GHR: variants seen among roughly 807,000 people sequenced by gnomAD.
The protein encoded by GHR is GH receptor.
In GHR, 35 loss-of-function variants were observed where a neutral mutation model predicts 67.1. The observed-to-expected ratio is 0.52, with a 90% CI of 0.40 to 0.69. GHR has a LOEUF of 0.69. GHR is among the 30% of genes least tolerant of loss of function. The pLI, the probability that GHR is intolerant of heterozygous loss-of-function variation, is 0.00. For missense variants in GHR, 792 were observed against 764.6 expected (o/e 1.04, Z -0.42); for synonymous variants, 272 against 269.1 (o/e 1.01, Z -0.10).
intron 3 of GHR, among the ~76,000 whole-genome samples, chr5:42,641,922 T>C (rs1285124866): frequency 6.6e-6 from 1 of 152,070 alleles, no homozygotes; most frequent in East Asian, 1.9e-4. Context: ...TAGTCATTAG[T>C]TATTGACAGG....
chr5:42,695,103 T>G lies in GHR; in HGVS notation c.439+14T>G. On this transcript the variant is annotated intron_variant, in intron 5 of 9. Coordinates refer to ENST00000230882, the MANE Select transcript of GHR (RefSeq NM_000163.5). ...TTGATGAAATAGGTAAATCACAGGT[T>G]TTTGTTTCATTTGACATAGTTTTAG... is the stretch of plus-strand genomic sequence containing the variant. 6.3e-7 allele frequency: 1 copy of G among 1,576,516 alleles called. No individual in the cohort carries two copies. The highest frequency in any genetic ancestry group is 2.2e-5 in the East Asian group (1 of 44,636).
chr5:42,450,808 C>G (rs1744018211), intron 1 of GHR, among the ~76,000 whole-genome samples: 1 of 151,884 alleles, frequency 6.6e-6, no homozygotes, highest in African/African-American at 2.4e-5. Context: ...TTTGTTGTAT[C>G]CCATAGGTTT....
At chr5:42,644,781 G>A (rs1561192908) in intron 3 of GHR, among the ~76,000 whole-genome samples, 2 of 151,052 alleles carry the variant, frequency 1.3e-5, no homozygotes, top group Non-Finnish European at 3.0e-5. Context: ...GTTGAACCTT[G>A]GTGATGAACA....
intron 1 of GHR, among the ~76,000 whole-genome samples, chr5:42,544,898 G>T (rs1748671133): frequency 6.6e-6 from 1 of 152,086 alleles, no homozygotes; most frequent in African/African-American, 2.4e-5. Flanking sequence ...AATTAAATTT[G>T]ATATTCACAA....
intron 3 of GHR, among the ~76,000 whole-genome samples, chr5:42,646,086 T>A (rs1197690941): frequency 6.6e-6 from 1 of 152,200 alleles, no homozygotes; most frequent in Non-Finnish European, 1.5e-5. Context: ...TCCACAATAT[T>A]ATCTTCTATT....
chr5:42,695,210 G>C lies in GHR; in HGVS notation c.439+121G>C. 5.4e-6 allele frequency: 4 copies of C among 746,248 alleles called. No individual in the cohort carries two copies. In the Admixed American group the frequency reaches 8.0e-5, roughly 15 times the overall value. 46.2% of individuals were successfully genotyped at this position (746,248 alleles called of 1,614,324 possible). On this transcript the variant is annotated intron_variant, in intron 5 of 9. Coordinates refer to ENST00000230882, the MANE Select transcript of GHR (RefSeq NM_000163.5). Reference sequence around the variant, plus strand: ...TAACAGTGTTCTATAGATACATGGAGATCTGTTTTACAGGAGATGGGATCA... The same window carrying C: ...TAACAGTGTTCTATAGATACATGGACATCTGTTTTACAGGAGATGGGATCA...
At chr5:42,669,490 G>A in intron 3 of GHR, among the ~76,000 whole-genome samples, 1 of 152,174 alleles carries the variant, frequency 6.6e-6, no homozygotes, top group South Asian at 2.1e-4. Context: ...GAAATTTAAT[G>A]TTGGCAAAGC....
intron 1 of GHR, among the ~76,000 whole-genome samples, chr5:42,537,780 T>C (rs1190727954): frequency 6.6e-6 from 1 of 152,192 alleles, no homozygotes; most frequent in Non-Finnish European, 1.5e-5. Context: ...TATTATTGTG[T>C]TGCTGTTTCT....
intron 4 of GHR, among the ~76,000 whole-genome samples, chr5:42,691,663 T>A (rs571235448): frequency 6.6e-6 from 1 of 152,346 alleles, no homozygotes; most frequent in East Asian, 1.9e-4. Context: ...GGCCTCAGTA[T>A]CTAAAGCACA....
At chr5:42,459,716 T>C (rs1354935705) in intron 1 of GHR, among the ~76,000 whole-genome samples, 3 of 152,216 alleles carry the variant, frequency 2.0e-5, no homozygotes, top group Non-Finnish European at 4.4e-5. Flanking sequence ...AATATTATGA[T>C]GCAGGGCTAT....
At chr5:42,683,999 A>G (rs997334526) in intron 3 of GHR, among the ~76,000 whole-genome samples, 6 of 149,796 alleles carry the variant, frequency 4.0e-5, no homozygotes, top group African/African-American at 1.5e-4. Flanking sequence ...AAAGTTTTTT[A>G]TTTCTTTCTG....
intron 5 of GHR, among the ~76,000 whole-genome samples, chr5:42,699,330 G>A (rs1579635250): frequency 3.1e-5 from 1 of 32,184 alleles, no homozygotes; most frequent in East Asian, 0.083. Flanking sequence ...GTGAGGCAAA[G>A]ATGAGTCAGG....
intron 2 of GHR, among the ~76,000 whole-genome samples, chr5:42,580,272 G>A (rs1046358587): frequency 3.9e-5 from 6 of 152,010 alleles, no homozygotes; most frequent in African/African-American, 9.7e-5. Context: ...TACTATTTTC[G>A]GTGCTTGCAA....
intron 1 of GHR, chr5:42,465,379 T>C (rs1304306934): frequency 8.2e-6 from 9 of 1,097,204 alleles, no homozygotes; most frequent in Middle Eastern, 3.0e-4. Flanking sequence ...GTTAAGGGTA[T>C]AAAGGGATTG....
chr5:42,447,452 T>C (rs1049440487), intron 1 of GHR, among the ~76,000 whole-genome samples: 2 of 152,180 alleles, frequency 1.3e-5, no homozygotes, highest in African/African-American at 2.4e-5. Flanking sequence ...CAAATGCCAT[T>C]ATTTTGTTCG....
intron 3 of GHR, among the ~76,000 whole-genome samples, chr5:42,653,032 AC>A (rs1227677178): frequency 6.6e-6 from 1 of 152,090 alleles, no homozygotes; most frequent in Non-Finnish European, 1.5e-5. Context: ...ATTACGATCA[AC>A]CCCCATCTCA....
intron 8 of GHR, among the ~76,000 whole-genome samples, chr5:42,716,774 T>G (rs1758744983): frequency 6.6e-6 from 1 of 152,218 alleles, no homozygotes. Context: ...AATGGATTTT[T>G]GCTTATTACT....
intron 2 of GHR, among the ~76,000 whole-genome samples, chr5:42,604,193 A>T (rs1341732970): frequency 6.6e-6 from 1 of 152,198 alleles, no homozygotes; most frequent in Non-Finnish European, 1.5e-5. Context: ...CCTTCCTGTA[A>T]GCCTTCACAT....
intron 2 of GHR, among the ~76,000 whole-genome samples, chr5:42,599,861 G>A (rs1752278068): frequency 6.6e-6 from 1 of 151,998 alleles, no homozygotes; most frequent in South Asian, 2.1e-4. Context: ...TTTTAGATGG[G>A]GCAAACATTC....
Sources: gnomAD v4.1 joint callset for allele counts (sites outside exome capture counted in the v4.1 genomes callset) on GRCh38, gnomAD v4.1.1 for gene constraint, MANE v1.5 for transcripts, NCBI Gene and HGNC (gene_info 2026-07-23, HGNC 2026-07-21) for gene names.